The following AARSD1 variants were observed in gnomAD, a reference collection of about 807,000 sequenced individuals.
AARSD1 encodes alanyl-tRNA synthetase domain containing 1.
In AARSD1, 44 loss-of-function variants were observed where a neutral mutation model predicts 48.7. That is an observed-to-expected ratio of 0.90 (90% CI 0.71 to 1.16). The LOEUF (loss-of-function observed/expected upper bound fraction) is 1.16. Ranked by LOEUF, AARSD1 falls within the 50% of genes most tolerant of loss-of-function variation. The probability of loss-of-function intolerance (pLI) is 0.00; values close to 1 mark genes in which losing one functional copy is unlikely to be tolerated. For synonymous variants in AARSD1, 189 were observed against 194.9 expected (o/e 0.97, Z 0.25); for missense variants, 511 against 523.1 (o/e 0.98, Z 0.23).
chr17:42,951,660 A>C (rs1464459179), intron 11 of AARSD1, 140 bp downstream of exon 11: 1 of 825,828 alleles, frequency 1.2e-6, no homozygotes, highest in African/African-American at 1.7e-5. Context: ...AGTAATAATT[A>C]TCTCTGCTCA....
intron 3 of AARSD1, 36 bp downstream of exon 3, chr17:42,961,156 C>T (rs2049631215): frequency 6.3e-7 from 1 of 1,579,958 alleles, no homozygotes; most frequent in Non-Finnish European, 8.6e-7. Context: ...TACATGGCAA[C>T]TGCTCCGGTG....
intron 3 of AARSD1, among the ~76,000 whole-genome samples, chr17:42,958,612 C>T (rs1160155289): frequency 2.0e-5 from 3 of 149,384 alleles, no homozygotes; most frequent in South Asian, 4.2e-4. Flanking sequence ...GCTCTGTCAC[C>T]CAGGCTGGAG....
At chr17:42,956,092 G>A (rs1345944513) in intron 6 of AARSD1, 112 bp downstream of exon 6, 29 of 1,608,300 alleles carry the variant, frequency 1.8e-5, no homozygotes, top group Non-Finnish European at 2.4e-5. Context: ...ACAGTGAAGG[G>A]GAGATTTCAC....
At chr17:42,962,592 G>A (rs1488991691) in intron 2 of AARSD1, among the ~76,000 whole-genome samples, 1 of 152,162 alleles carries the variant, frequency 6.6e-6, no homozygotes, top group Non-Finnish European at 1.5e-5. Context: ...ACCTTCTATG[G>A]ATACTTGAGG....
intron 4 of AARSD1, among the ~76,000 whole-genome samples, 194 bp from the exon 5 acceptor site, chr17:42,956,754 G>A (rs1457521181): frequency 4.0e-5 from 5 of 124,512 alleles, no homozygotes; most frequent in Non-Finnish European, 6.4e-5. Context: ...TGCAAGCTCC[G>A]CCTCCCGGGT....
At chr17:42,960,371 G>A (rs1281055156) in intron 3 of AARSD1, among the ~76,000 whole-genome samples, 2 of 152,130 alleles carry the variant, frequency 1.3e-5, no homozygotes, top group Non-Finnish European at 2.9e-5. Flanking sequence ...GGTCCAGGGG[G>A]AAGACAGCTA....
At chr17:42,962,716 C>T (rs1179348543) in intron 2 of AARSD1, among the ~76,000 whole-genome samples, 1 of 152,174 alleles carries the variant, frequency 6.6e-6, no homozygotes, top group Non-Finnish European at 1.5e-5. Flanking sequence ...AACATGTTCT[C>T]TCATGTCACT....
chr17:42,953,408 C>A (rs1184159582), intron 10 of AARSD1, among the ~76,000 whole-genome samples: 3 of 152,162 alleles, frequency 2.0e-5, no homozygotes, highest in East Asian at 1.9e-4. Context: ...CCGCGACCAG[C>A]CCACTGATAT....
chr17:42,956,386 C>G lies in AARSD1; in HGVS notation c.546+18G>C. On this transcript the variant is annotated intron_variant, in intron 5 of 11. Transcript: ENST00000427569. ...AGGAATCATTCCGCAGAAACCATCC[C>G]TCTGGCTCTACCCTTACCTGCTCCA... 1 of 1,614,092 alleles carries G rather than the reference C, an allele frequency of 6.2e-7. No individual in the cohort carries two copies. Among genetic ancestry groups the G allele is most frequent in the Non-Finnish European group, 8.5e-7 (1 of 1,180,002 alleles).
chr17:42,964,381 T>G, intron 1 of AARSD1, 21 bp downstream of exon 1: 1 of 1,555,094 alleles, frequency 6.4e-7, no homozygotes, highest in Non-Finnish European at 8.7e-7. Context: ...CAGTCTCAAG[T>G]GCCTCGCCGT....
intron 3 of AARSD1, among the ~76,000 whole-genome samples, chr17:42,959,932 G>A (rs1453569710): frequency 6.6e-6 from 1 of 151,916 alleles, no homozygotes; most frequent in Non-Finnish European, 1.5e-5. Flanking sequence ...AAAGTGCTGG[G>A]ATTACAGGCG....
Position 42,964,235 on chromosome 17 carries a change from G to A in AARSD1, c.42C>T (p.Phe14=). ...GACAGCAGGAGACCACGGTGGTGGT[G>A]AACTGAACAGAGAGGAATGAGAGAA... ...WCQRDSYARE[F]TTTVVSCCPA... is the part of the protein sequence containing the mutation. Residue 14 remains phenylalanine (F), a splice_region_variant and synonymous_variant, in exon 2 of 12, where the codon TTC becomes TTT. Transcript: ENST00000427569. 6.2e-7 allele frequency: 1 copy of A among 1,612,632 alleles called. No individual in the cohort carries two copies. Among genetic ancestry groups the A allele is most frequent in the Non-Finnish European group, 8.5e-7 (1 of 1,179,840 alleles).
At chr17:42,962,264 C>T (rs147158159) in intron 2 of AARSD1, 31 of 239,234 alleles carry the variant, frequency 1.3e-4, no homozygotes, top group East Asian at 1.2e-3. Flanking sequence ...CACGCCGCTG[C>T]GCTCCAGCCT....
At chr17:42,954,495 C>T (rs957541818) in intron 9 of AARSD1, among the ~76,000 whole-genome samples, 3 of 151,706 alleles carry the variant, frequency 2.0e-5, no homozygotes, top group African/African-American at 7.3e-5. Context: ...AGTGCTGTGG[C>T]GTGATCTCCA....
At chr17:42,953,641 A>T in intron 10 of AARSD1, 83 bp downstream of exon 10, 10 of 1,575,408 alleles carry the variant, frequency 6.3e-6, no homozygotes, top group Non-Finnish European at 8.7e-6. Context: ...ATGTGGAGGG[A>T]CTTTGGCTAA....
chr17:42,953,599 A>G (rs1438880086), intron 10 of AARSD1, 125 bp downstream of exon 10: 3 of 1,255,190 alleles, frequency 2.4e-6, no homozygotes, highest in Non-Finnish European at 3.4e-6. Context: ...ACAGTATTGA[A>G]TGAATGGCTA....
At chr17:42,955,289 A>C in intron 7 of AARSD1, 65 bp from the exon 8 acceptor site, 4 of 1,597,220 alleles carry the variant, frequency 2.5e-6, no homozygotes, top group Non-Finnish European at 3.4e-6. Context: ...TGGGGACATA[A>C]ATCAATAATT....
chr17:42,964,339 G>A (rs1203482004), intron 1 of AARSD1, 63 bp downstream of exon 1: 166 of 1,586,040 alleles, frequency 1.0e-4, no homozygotes, highest in Non-Finnish European at 1.4e-4. Context: ...TACACGTGGC[G>A]CCCTCTTCCC....
intron 3 of AARSD1, among the ~76,000 whole-genome samples, chr17:42,957,792 C>A (rs2049579890): frequency 6.6e-6 from 1 of 152,000 alleles, no homozygotes; most frequent in South Asian, 2.1e-4. Flanking sequence ...CAATATGCAG[C>A]ATTCATCCAT....
Sources: gnomAD v4.1 joint callset for allele counts (sites outside exome capture counted in the v4.1 genomes callset) on GRCh38, gnomAD v4.1.1 for gene constraint, MANE v1.5 for transcripts, NCBI Gene and HGNC (gene_info 2026-07-23, HGNC 2026-07-21) for gene names.